SCN2A: variants seen among roughly 807,000 people sequenced by gnomAD.
SCN2A encodes the protein sodium channel protein type 2 subunit alpha.
In SCN2A, 20 loss-of-function variants were observed where a neutral mutation model predicts 188.7. That is an observed-to-expected ratio of 0.11 (90% confidence interval 0.07 to 0.15). SCN2A has a LOEUF of 0.15. SCN2A is among the 10% of genes least tolerant of loss of function. SCN2A has a pLI of 1.00. For synonymous variants in SCN2A, 804 were observed against 833.1 expected (o/e 0.97, Z 0.60); for missense variants, 1,278 against 2,445.0 (o/e 0.52, Z 10.07).
chr2:165,367,059 A>G (rs1700766590), intron 18 of SCN2A, among the ~76,000 whole-genome samples, 158 bp from the exon 19 acceptor site: 3 of 152,222 alleles, frequency 2.0e-5, no homozygotes, highest in Admixed American at 6.5e-5. Flanking sequence ...AGCCATATAG[A>G]TGATTTTAAG....
chr2:165,383,113 C>T (rs1021223989), intron 25 of SCN2A, among the ~76,000 whole-genome samples: 2 of 151,942 alleles, frequency 1.3e-5, no homozygotes, highest in African/African-American at 4.8e-5. Flanking sequence ...GTATGCTAAG[C>T]ATTTGAACTT....
intron 16 of SCN2A, among the ~76,000 whole-genome samples, chr2:165,349,124 A>G (rs1699755967): frequency 2.0e-5 from 3 of 152,218 alleles, no homozygotes; most frequent in Admixed American, 2.0e-4. Flanking sequence ...AAAAGATAAT[A>G]TAATTATGTT....
chr2:165,281,652 A>G (rs963051467), intron 1 of SCN2A, among the ~76,000 whole-genome samples: 3 of 152,126 alleles, frequency 2.0e-5, no homozygotes, highest in African/African-American at 7.2e-5. Flanking sequence ...AGTTCTGAGC[A>G]GAATAGTGAC....
At chr2:165,265,759 T>A (rs1157979034) in intron 1 of SCN2A, among the ~76,000 whole-genome samples, 1 of 151,098 alleles carries the variant, frequency 6.6e-6, no homozygotes, top group African/African-American at 2.4e-5. Flanking sequence ...AACATTTAAA[T>A]AAGGAAAAAA....
At chr2:165,254,685 G>A (rs931269436) in intron 1 of SCN2A, among the ~76,000 whole-genome samples, 1 of 151,628 alleles carries the variant, frequency 6.6e-6, no homozygotes, top group Admixed American at 6.6e-5. Context: ...TTTCATAGAC[G>A]TACACATTTT....
intron 1 of SCN2A, chr2:165,285,815 T>A (rs1695801871): frequency 6.0e-6 from 1 of 165,984 alleles, no homozygotes. Context: ...GCAGTAGGAG[T>A]GCTGCAGGGT....
intron 3 of SCN2A, among the ~76,000 whole-genome samples, chr2:165,303,273 T>G (rs1256564377): frequency 7.7e-5 from 3 of 38,808 alleles, no homozygotes; most frequent in African/African-American, 1.7e-4. Context: ...TATTTGAGTT[T>G]TTTTTTTTTT....
intron 17 of SCN2A, 80 bp from the exon 18 acceptor site, chr2:165,365,063 G>T (rs1700651410): frequency 6.3e-6 from 8 of 1,272,494 alleles, no homozygotes; most frequent in Non-Finnish European, 3.3e-6. Flanking sequence ...AGAAGATGGG[G>T]GGGGGGCACA....
intron 18 of SCN2A, among the ~76,000 whole-genome samples, chr2:165,366,813 TA>T (rs1279652888): frequency 2.0e-5 from 3 of 151,788 alleles, no homozygotes; most frequent in African/African-American, 7.3e-5. Context: ...TTACTTATAA[TA>T]AAGATGGGAA....
intron 17 of SCN2A, among the ~76,000 whole-genome samples, chr2:165,359,490 T>G (rs1700346672): frequency 6.6e-6 from 1 of 152,086 alleles, no homozygotes; most frequent in African/African-American, 2.4e-5. Flanking sequence ...AAGAAGGAAC[T>G]GGTTCGTTTA....
intron 14 of SCN2A, among the ~76,000 whole-genome samples, chr2:165,333,103 C>T (rs1012255978): frequency 6.6e-6 from 1 of 151,916 alleles, no homozygotes; most frequent in Non-Finnish European, 1.5e-5. Flanking sequence ...AGTCAGTTAC[C>T]CTAGCTCTTG....
chr2:165,312,239 T>A, intron 8 of SCN2A, 151 bp downstream of exon 8: 2 of 686,760 alleles, frequency 2.9e-6, no homozygotes, highest in Admixed American at 4.2e-5. Flanking sequence ...CCAGGATAAG[T>A]GTAGATTCTC....
intron 1 of SCN2A, among the ~76,000 whole-genome samples, chr2:165,276,473 G>T (rs1335518470): frequency 6.6e-6 from 1 of 152,114 alleles, no homozygotes; most frequent in Non-Finnish European, 1.5e-5. Context: ...GCCCAACAAA[G>T]ACAAATAGAT....
intron 1 of SCN2A, chr2:165,269,991 T>C (rs1695034793): frequency 6.6e-6 from 1 of 151,974 alleles, no homozygotes; most frequent in Non-Finnish European, 1.5e-5. Context: ...CAGGGCTTTA[T>C]GGAAAAGACT....
chr2:165,301,715 A>C (rs1034957394), intron 3 of SCN2A, among the ~76,000 whole-genome samples: 2 of 152,194 alleles, frequency 1.3e-5, no homozygotes, highest in African/African-American at 4.8e-5. Flanking sequence ...AGATTAGCAA[A>C]AAGGAAACTC....
intron 1 of SCN2A, among the ~76,000 whole-genome samples, chr2:165,294,457 T>C (rs1300210875): frequency 6.6e-6 from 1 of 152,196 alleles, no homozygotes; most frequent in Non-Finnish European, 1.5e-5. Flanking sequence ...CTGGTTTACT[T>C]CAACATTTTT....
intron 19 of SCN2A, among the ~76,000 whole-genome samples, 169 bp downstream of exon 19, chr2:165,367,540 A>G (rs754589859): frequency 6.6e-6 from 1 of 152,120 alleles, no homozygotes; most frequent in Non-Finnish European, 1.5e-5. Context: ...AATTTTTGTC[A>G]CTCTGTCTGG....
At chr2:165,314,305 C>T (rs1424549265) in intron 10 of SCN2A, among the ~76,000 whole-genome samples, 197 bp downstream of exon 10, 1 of 152,002 alleles carries the variant, frequency 6.6e-6, no homozygotes. Flanking sequence ...GTAATGGCAT[C>T]AAAAAATGGA....
At chr2:165,348,981 A>G (rs1437413387) in intron 16 of SCN2A, among the ~76,000 whole-genome samples, 1 of 152,236 alleles carries the variant, frequency 6.6e-6, no homozygotes, top group Non-Finnish European at 1.5e-5. Flanking sequence ...TATTGTATTC[A>G]TTAGAAGCTA....
Sources: allele counts gnomAD v4.1 joint callset (sites outside exome capture counted in the v4.1 genomes callset), GRCh38; gene constraint gnomAD v4.1.1; transcripts MANE v1.5; gene names NCBI Gene and HGNC (gene_info 2026-07-23, HGNC 2026-07-21).